The following PRKN variants were observed in gnomAD, a reference collection of about 807,000 sequenced individuals.
The protein encoded by PRKN is parkin RBR E3 ubiquitin protein ligase.
PRKN carries 56 observed loss-of-function variants against 59.5 expected under a neutral mutation model. That is an observed-to-expected ratio of 0.94 (90% confidence interval 0.76 to 1.18). PRKN has a LOEUF of 1.18. PRKN is among the 50% of genes most tolerant of loss of function. The pLI, the probability that PRKN is intolerant of heterozygous loss-of-function variation, is 0.00. For synonymous variants in PRKN, 250 were observed against 222.1 expected (o/e 1.13, Z -1.12); for missense variants, 657 against 596.4 (o/e 1.10, Z -1.06).
At chr6:162,436,176 CAAAAAAAAAAAAAAAAAAA>C (rs35792526) in intron 2 of PRKN, among the ~76,000 whole-genome samples, 2 of 54,686 alleles carry the variant, frequency 3.7e-5, no homozygotes, top group African/African-American at 1.3e-4. Flanking sequence ...ACTCCATCTC[CAAAAAAAAAAAAAAAAAAA>C]AAAAAAAAAT....
At chr6:162,608,399 A>G (rs1343156022) in intron 1 of PRKN, among the ~76,000 whole-genome samples, 1 of 152,200 alleles carries the variant, frequency 6.6e-6, no homozygotes, top group Admixed American at 6.5e-5. Context: ...GGAAGCAGTG[A>G]GAAGATGGGA....
intron 2 of PRKN, among the ~76,000 whole-genome samples, chr6:162,440,244 C>T (rs564102865): frequency 6.6e-6 from 1 of 152,248 alleles, no homozygotes; most frequent in East Asian, 1.9e-4. Flanking sequence ...TGTGGATATG[C>T]TCTCCCAGAA....
chr6:162,322,144 C>T lies in PRKN; in HGVS notation c.172-59379G>A, dbSNP rs77576451. Reference sequence around the variant, plus strand: ...TAATAAGTAAACTTAACAATTATCTCGGTTATAAAGTCAATATACAAAATA... The same window carrying T: ...TAATAAGTAAACTTAACAATTATCTTGGTTATAAAGTCAATATACAAAATA... On this transcript the variant is annotated intron_variant, in intron 2 of 11. Transcript: ENST00000366898. Among the ~76,000 whole-genome samples the T allele has an allele frequency of 3.7e-3, 564 of 151,890 alleles. 2 individuals are homozygous for T. The highest frequency in any genetic ancestry group is 0.013 in the African/African-American group (542 of 41,448).
At chr6:162,508,091 G>A (rs544338772) in intron 1 of PRKN, among the ~76,000 whole-genome samples, 1 of 152,180 alleles carries the variant, frequency 6.6e-6, no homozygotes, top group African/African-American at 2.4e-5. Context: ...ACATGGCTGG[G>A]AAAGCCTCAG....
At chr6:161,903,820 G>C (rs1442670601) in intron 6 of PRKN, among the ~76,000 whole-genome samples, 3 of 148,994 alleles carry the variant, frequency 2.0e-5, no homozygotes, top group Non-Finnish European at 4.5e-5. Context: ...TTTTTTAATG[G>C]TCCCTTTTAT....
chr6:162,528,245 C>A (rs2128195585), intron 1 of PRKN, among the ~76,000 whole-genome samples: 1 of 151,530 alleles, frequency 6.6e-6, no homozygotes, highest in East Asian at 2.0e-4. Flanking sequence ...TCGCTTGAAC[C>A]CGGGAGGTGG....
intron 1 of PRKN, among the ~76,000 whole-genome samples, chr6:162,642,246 CA>C (rs1483534047): frequency 6.6e-6 from 1 of 152,162 alleles, no homozygotes; most frequent in Non-Finnish European, 1.5e-5. Context: ...CCTAAAGCCA[CA>C]TTCATCCTTT....
chr6:162,041,688 T>C (rs781597766), intron 5 of PRKN, among the ~76,000 whole-genome samples: 16 of 152,204 alleles, frequency 1.1e-4, no homozygotes, highest in Non-Finnish European at 2.4e-4. Context: ...TAACCCATAG[T>C]TCTCAGTATA....
chr6:162,506,251 C>CAAAAAAAA (rs10528135), intron 1 of PRKN, among the ~76,000 whole-genome samples: 3 of 95,346 alleles, frequency 3.1e-5, no homozygotes, highest in African/African-American at 1.2e-4. Flanking sequence ...AAAGAGGAAG[C>CAAAAAAAA]AAAAAAAAAA....
intron 3 of PRKN, among the ~76,000 whole-genome samples, chr6:162,221,797 GA>G (rs997001974): frequency 2.0e-5 from 3 of 152,098 alleles, no homozygotes; most frequent in Admixed American, 1.3e-4. Flanking sequence ...AAATTAATTG[GA>G]AAAAATGTCA....
intron 1 of PRKN, among the ~76,000 whole-genome samples, chr6:162,470,194 G>T (rs920710843): frequency 6.6e-6 from 1 of 152,188 alleles, no homozygotes; most frequent in Admixed American, 6.5e-5. Context: ...TGCATAGACA[G>T]CAGATTTCTA....
intron 1 of PRKN, among the ~76,000 whole-genome samples, chr6:162,679,109 T>TATTTATTTATTTATTA (rs780065550): frequency 8.3e-4 from 124 of 148,518 alleles, no homozygotes; most frequent in Non-Finnish European, 1.5e-3. Flanking sequence ...TTTATTTATT[T>TATTTATTTATTTATTA]ATGAATGAAT....
chr6:162,534,157 T>C (rs1432213980), intron 1 of PRKN, among the ~76,000 whole-genome samples: 1 of 152,164 alleles, frequency 6.6e-6, no homozygotes, highest in Non-Finnish European at 1.5e-5. Context: ...GGCAAATGTC[T>C]TGACATGATG....
At chr6:161,729,862 T>A (rs1349667677) in intron 7 of PRKN, among the ~76,000 whole-genome samples, 1 of 150,694 alleles carries the variant, frequency 6.6e-6, no homozygotes. Context: ...CATTCTGACA[T>A]GTTGCATTCT....
chr6:162,153,430 A>G (rs1439358614), intron 4 of PRKN, among the ~76,000 whole-genome samples: 3 of 152,174 alleles, frequency 2.0e-5, no homozygotes, highest in Admixed American at 6.5e-5. Flanking sequence ...GCATGTTACA[A>G]TGCTCTCTTA....
intron 7 of PRKN, among the ~76,000 whole-genome samples, chr6:161,690,833 G>A (rs904477985): frequency 2.0e-5 from 3 of 152,194 alleles, no homozygotes; most frequent in Admixed American, 6.5e-5. Flanking sequence ...GGCATCAGCA[G>A]CTTTCGTATG....
intron 6 of PRKN, among the ~76,000 whole-genome samples, chr6:161,945,779 A>G (rs1019127754): frequency 6.6e-6 from 1 of 152,216 alleles, no homozygotes; most frequent in Admixed American, 6.5e-5. Flanking sequence ...TCTTGAAGCT[A>G]GACATGACAG....
intron 1 of PRKN, among the ~76,000 whole-genome samples, chr6:162,642,019 A>G (rs192105102): frequency 6.6e-6 from 1 of 152,302 alleles, no homozygotes; most frequent in Non-Finnish European, 1.5e-5. Flanking sequence ...CTTTGGGACT[A>G]GTCTTGTTTT....
intron 7 of PRKN, among the ~76,000 whole-genome samples, chr6:161,692,680 G>A (rs1272583703): frequency 2.0e-5 from 3 of 152,322 alleles, no homozygotes; most frequent in South Asian, 2.1e-4. Flanking sequence ...TGAGGGGGGC[G>A]GATCATTTGA....
Sources: gnomAD v4.1 joint callset for allele counts (sites outside exome capture counted in the v4.1 genomes callset) on GRCh38, gnomAD v4.1.1 for gene constraint, MANE v1.5 for transcripts, NCBI Gene and HGNC (gene_info 2026-07-23, HGNC 2026-07-21) for gene names.